CNIH3: variants seen among roughly 807,000 people sequenced by gnomAD.
CNIH3 encodes protein cornichon homolog 3.
Under a neutral mutation model 24.1 loss-of-function variants are expected in CNIH3, and 14 were observed. That is an observed-to-expected ratio of 0.58 (90% CI 0.38 to 0.91). CNIH3 has a LOEUF of 0.91. Among genes scored for constraint, CNIH3 ranks in the 40% least tolerant of loss-of-function variants. The pLI, the probability that CNIH3 is intolerant of heterozygous loss-of-function variation, is 0.00. For synonymous variants in CNIH3, 68 were observed against 73.8 expected (o/e 0.92, Z 0.40); for missense variants, 178 against 196.8 (o/e 0.90, Z 0.57).
At chr1:224,737,985 A>G (rs1203822091) in intron 5 of CNIH3, among the ~76,000 whole-genome samples, 3 of 152,068 alleles carry the variant, frequency 2.0e-5, no homozygotes, top group Non-Finnish European at 1.5e-5. Flanking sequence ...TAGTAGGACC[A>G]CCCTCCTGCG....
chr1:224,703,460 A>AT lies in CNIH3; in HGVS notation c.198+18621dup, dbSNP rs1687614587. On this transcript the variant is annotated intron_variant, in intron 3 of 5. Transcript: ENST00000272133. The surrounding 1 kb of genome is among the most constrained non-coding windows in gnomAD (Gnocchi z 4.2). ...CTCTGGGGTGAGACTCAGCATCAGT[A>AT]TTTTACAAAGCTCCCCAAGTGACTC... 6.6e-6 allele frequency among the ~76,000 whole-genome samples: 1 copy of AT among 152,180 alleles called. No individual in the cohort carries two copies. Among genetic ancestry groups the AT allele is most frequent in the African/African-American group, 2.4e-5 (1 of 41,458 alleles).
At chr1:224,451,106 C>G (rs1675378861) in intron 1 of CNIH3, among the ~76,000 whole-genome samples, 1 of 152,188 alleles carries the variant, frequency 6.6e-6, no homozygotes, top group Admixed American at 6.5e-5. Context: ...TGTCCTCGTG[C>G]ACAGTCATGG....
chr1:224,571,545 T>G (rs897694772), intron 4 of CNIH3, among the ~76,000 whole-genome samples: 2 of 151,882 alleles, frequency 1.3e-5, no homozygotes, highest in Non-Finnish European at 2.9e-5. Context: ...GCCAACATGA[T>G]GAAACCCCGT....
rs868029282 is a variant in CNIH3, at chr1:224,469,177, G to A, written n.203+34315G>A. On this transcript the variant is annotated intron_variant and non_coding_transcript_variant, in intron 1 of 5. Coordinates refer to the CNIH3 transcript ENST00000471578. Reference sequence around the variant, plus strand: ...CTCACTGCAGCCTTTACTTTCTGGCGTCAAGTGATCCTCCCACCTCAGCCT... The same window carrying A: ...CTCACTGCAGCCTTTACTTTCTGGCATCAAGTGATCCTCCCACCTCAGCCT... Among the ~76,000 whole-genome samples, 15 of 151,912 alleles carry A rather than the reference G, an allele frequency of 9.9e-5. No homozygotes were observed. The South Asian group carries it at 1.0e-3, about 11-fold the overall frequency.
intron 1 of CNIH3, among the ~76,000 whole-genome samples, chr1:224,673,170 A>G (rs1483430773): frequency 6.6e-6 from 1 of 152,210 alleles, no homozygotes; most frequent in Non-Finnish European, 1.5e-5. Flanking sequence ...CTGTATCAGC[A>G]GTGGCCCCCT....
chr1:224,575,058 G>A (rs1340624692), intron 4 of CNIH3: 2 of 876,236 alleles, frequency 2.3e-6, no homozygotes, highest in Admixed American at 1.7e-5. Flanking sequence ...AGGCATCATG[G>A]TGACTGCCTA....
intron 1 of CNIH3, among the ~76,000 whole-genome samples, chr1:224,497,749 G>A (rs988107345): frequency 6.6e-6 from 1 of 152,186 alleles, no homozygotes; most frequent in South Asian, 2.1e-4. Context: ...TTCCTGCACT[G>A]CTGGCTGTAT....
chr1:224,686,402 A>G (rs1019990272), intron 3 of CNIH3, among the ~76,000 whole-genome samples: 27 of 152,066 alleles, frequency 1.8e-4, no homozygotes, highest in African/African-American at 5.3e-4. Context: ...AATCCAGTCT[A>G]TCATTTATGG....
At chr1:224,681,221 A>G (rs998605019) in intron 2 of CNIH3, among the ~76,000 whole-genome samples, 195 bp downstream of exon 2, 2 of 152,172 alleles carry the variant, frequency 1.3e-5, no homozygotes, top group Admixed American at 1.3e-4. Context: ...ATATGTTGCA[A>G]ATCAGATGTG....
chr1:224,560,959 A>G (rs1680348774), intron 3 of CNIH3, among the ~76,000 whole-genome samples: 2 of 151,828 alleles, frequency 1.3e-5, no homozygotes, highest in South Asian at 4.2e-4. Flanking sequence ...CGTGATTTCA[A>G]TTTGCATTTC....
intron 1 of CNIH3, among the ~76,000 whole-genome samples, chr1:224,485,667 A>C (rs952859918): frequency 2.6e-5 from 4 of 152,218 alleles, no homozygotes; most frequent in African/African-American, 9.6e-5. Context: ...AATTTAAAAC[A>C]AATTTTGTAG....
Position 224,616,903 on chromosome 1 carries a change from T to G in CNIH3, c.-272T>G. ...AGGTGTTCGCTGCTGATTTGGTTTC[T>G]TCTTCGATTTGCGGACGGTTCCCTC... On this transcript the variant is annotated 5_prime_UTR_variant, in exon 1 of 6. Coordinates refer to ENST00000272133, the MANE Select transcript of CNIH3 (RefSeq NM_152495.2). 1 of 1,299,798 alleles carries G rather than the reference T, an allele frequency of 7.7e-7. No individual in the cohort carries two copies. The allele number at this position is 1,299,798 out of a possible 1,614,324, so 80.5% of individuals were successfully genotyped here. A position where few individuals can be genotyped will look rare whatever the true frequency, so the allele number is the denominator to read the frequency against.
chr1:224,536,271 C>A (rs1027620178), intron 2 of CNIH3, among the ~76,000 whole-genome samples: 1 of 148,828 alleles, frequency 6.7e-6, no homozygotes, highest in Non-Finnish European at 1.5e-5. Flanking sequence ...GAAATAGCTG[C>A]CATAATTGTT....
chr1:224,602,050 G>C (rs116786577), intron 3 of CNIH3, among the ~76,000 whole-genome samples: 1,638 of 152,102 alleles, frequency 0.011, 37 homozygotes, highest in African/African-American at 0.037. Flanking sequence ...TATTATTTTG[G>C]ATATTATTCC....
At chr1:224,563,408 A>T (rs908068155) in intron 3 of CNIH3, among the ~76,000 whole-genome samples, 7 of 151,470 alleles carry the variant, frequency 4.6e-5, no homozygotes, top group African/African-American at 1.7e-4. Flanking sequence ...AATGATCGTT[A>T]TGGGTGGGTT....
intron 5 of CNIH3, among the ~76,000 whole-genome samples, chr1:224,735,845 T>C (rs748577152): frequency 1.3e-5 from 2 of 151,822 alleles, no homozygotes; most frequent in Non-Finnish European, 2.9e-5. Context: ...TTAAAATTTT[T>C]TGTAGAGATG....
Position 224,604,097 on chromosome 1 carries a change from T to G in CNIH3, n.402+37833T>G, listed in dbSNP as rs1682316995. On this transcript the variant is annotated intron_variant and non_coding_transcript_variant, in intron 3 of 7. Transcript: ENST00000478120. This position sits in a 1 kb window ranked among gnomAD's most constrained non-coding sequence, Gnocchi z 4.4. ...AATGTGATGTATATACACAATGCTT[T>G]GTGATTAATAAGCACATGGGAGGCC... Among the ~76,000 whole-genome samples, 1 of 152,260 alleles carries G rather than the reference T, an allele frequency of 6.6e-6. No individual in the cohort carries two copies. The highest frequency in any genetic ancestry group is 2.1e-4 in the South Asian group (1 of 4,838).
At chr1:224,584,708 T>C (rs1262450577) in intron 5 of CNIH3, among the ~76,000 whole-genome samples, 3 of 148,804 alleles carry the variant, frequency 2.0e-5, no homozygotes, top group Admixed American at 6.8e-5. Flanking sequence ...TTTGGAAAAA[T>C]GAAGCATTTC....
chr1:224,628,939 C>A (rs999138159), intron 1 of CNIH3, among the ~76,000 whole-genome samples: 1 of 151,768 alleles, frequency 6.6e-6, no homozygotes, highest in Non-Finnish European at 1.5e-5. Context: ...GGAACTCCCC[C>A]CCAACCACCT....
Sources: gnomAD v4.1 joint callset for allele counts (sites outside exome capture counted in the v4.1 genomes callset) on GRCh38, gnomAD v4.1.1 for gene constraint, Gnocchi (gnomAD v3.1) non-coding constraint, MANE v1.5 for transcripts, NCBI Gene and HGNC (gene_info 2026-07-23, HGNC 2026-07-21) for gene names.